SLC4A7: variants seen among roughly 807,000 people sequenced by gnomAD.
The protein encoded by SLC4A7 is solute carrier family 4 member 7, also known as sodium bicarbonate cotransporter 3.
In SLC4A7, 51 loss-of-function variants were observed where a neutral mutation model predicts 137.6. The observed-to-expected ratio is 0.37, with a 90% CI of 0.30 to 0.47. SLC4A7 has a LOEUF of 0.47. Ranked by LOEUF, SLC4A7 falls within the 20% of genes least tolerant of loss-of-function variation. SLC4A7 has a pLI of 1.00. For synonymous variants in SLC4A7, 542 were observed against 518.6 expected (o/e 1.05, Z -0.61); for missense variants, 1,247 against 1,525.4 (o/e 0.82, Z 3.04).
chr3:27,409,263 C>T, intron 13 of SLC4A7, 93 bp downstream of exon 13: 1 of 1,018,086 alleles, frequency 9.8e-7, no homozygotes, highest in East Asian at 2.5e-5. Flanking sequence ...TGGGTAGACT[C>T]TTCAAATAAA....
chr3:27,464,986 A>C (rs946292110), intron 1 of SLC4A7, among the ~76,000 whole-genome samples: 3 of 151,972 alleles, frequency 2.0e-5, no homozygotes, highest in Non-Finnish European at 4.4e-5. Flanking sequence ...CACCTTTCAA[A>C]GTATCTGCGT....
chr3:27,393,438 A>G (rs185947554), intron 20 of SLC4A7, among the ~76,000 whole-genome samples: 124 of 152,334 alleles, frequency 8.1e-4, no homozygotes, highest in African/African-American at 2.8e-3. Context: ...AGAACTCTCA[A>G]TAAGTTCACC....
intron 13 of SLC4A7, among the ~76,000 whole-genome samples, chr3:27,405,963 T>C (rs2053305679): frequency 6.6e-6 from 1 of 152,050 alleles, no homozygotes; most frequent in African/African-American, 2.4e-5. Flanking sequence ...GGGGAAAGAA[T>C]CAGAAAGTAA....
At chr3:27,465,953 C>CAAAAAA (rs869147513) in intron 1 of SLC4A7, among the ~76,000 whole-genome samples, 1 of 122,536 alleles carries the variant, frequency 8.2e-6, no homozygotes, top group African/African-American at 3.1e-5. Flanking sequence ...GAGTCCGTCT[C>CAAAAAA]AAAAAAAAAA....
At chr3:27,410,019 T>C (rs2053752832) in intron 12 of SLC4A7, among the ~76,000 whole-genome samples, 1 of 152,200 alleles carries the variant, frequency 6.6e-6, no homozygotes, top group Non-Finnish European at 1.5e-5. Context: ...ATTCAGTAAC[T>C]TTAAAAACTT....
At chr3:27,471,088 T>TA (rs2059226494) in intron 1 of SLC4A7, among the ~76,000 whole-genome samples, 1 of 152,252 alleles carries the variant, frequency 6.6e-6, no homozygotes, top group Non-Finnish European at 1.5e-5. Flanking sequence ...ACATGTCATG[T>TA]ATGTATGCAT....
chr3:27,427,320 T>C (rs1390709110), intron 7 of SLC4A7, among the ~76,000 whole-genome samples: 3 of 147,352 alleles, frequency 2.0e-5, no homozygotes, highest in African/African-American at 7.4e-5. Flanking sequence ...TTCACTTCTT[T>C]TTTTTTTTTT....
intron 1 of SLC4A7, among the ~76,000 whole-genome samples, chr3:27,459,736 G>A (rs184618575): frequency 4.3e-4 from 65 of 152,022 alleles, no homozygotes; most frequent in African/African-American, 1.6e-3. Flanking sequence ...TTACAGAAGT[G>A]CCCCCAAATA....
chr3:27,388,865 G>A (rs1429615804), intron 22 of SLC4A7, among the ~76,000 whole-genome samples: 3 of 113,438 alleles, frequency 2.6e-5, no homozygotes, highest in Non-Finnish European at 7.1e-5. Flanking sequence ...ATACTCTCGT[G>A]ACCTATAAAG....
intron 18 of SLC4A7, among the ~76,000 whole-genome samples, 165 bp from the exon 19 acceptor site, chr3:27,395,280 TC>T (rs2052026295): frequency 6.6e-6 from 1 of 152,188 alleles, no homozygotes; most frequent in Non-Finnish European, 1.5e-5. Flanking sequence ...CAGTAATTCT[TC>T]CTATCCCTAT....
chr3:27,476,446 T>C (rs1347222278), intron 1 of SLC4A7, among the ~76,000 whole-genome samples: 2 of 152,206 alleles, frequency 1.3e-5, no homozygotes, highest in African/African-American at 2.4e-5. Flanking sequence ...CCATATAACA[T>C]ATTACTTGAC....
intron 10 of SLC4A7, 27 bp from the exon 11 acceptor site, chr3:27,418,659 G>T: frequency 6.8e-7 from 1 of 1,468,594 alleles, no homozygotes; most frequent in Non-Finnish European, 9.3e-7. Context: ...TTGAGTAAAA[G>T]ATTTTAAAGT....
chr3:27,421,909 A>C, intron 8 of SLC4A7, 130 bp from the exon 9 acceptor site: 2 of 671,236 alleles, frequency 3.0e-6, no homozygotes, highest in South Asian at 2.2e-5. Context: ...TGAATGTTTA[A>C]AATGTCAAAA....
At chr3:27,459,996 C>T (rs1192959437) in intron 1 of SLC4A7, among the ~76,000 whole-genome samples, 45 of 148,022 alleles carry the variant, frequency 3.0e-4, no homozygotes, top group Non-Finnish European at 5.4e-4. Flanking sequence ...TATATACACA[C>T]ACACACACAC....
chr3:27,386,240 A>T (rs944934931), intron 22 of SLC4A7, among the ~76,000 whole-genome samples: 1 of 151,670 alleles, frequency 6.6e-6, no homozygotes, highest in Non-Finnish European at 1.5e-5. Context: ...GAAAAAAGGA[A>T]ATGGCATTCT....
chr3:27,437,526 T>A lies in SLC4A7; in HGVS notation c.290A>T (p.Asp97Val). The change falls in exon 4 of 26, where the codon GAT (aspartate) becomes GTT (valine). Residue 97 changes from aspartate to valine, a missense_variant and splice_region_variant. By Grantham distance (152) the Asp-to-Val change is radical (BLOSUM62 -3). This residue lies in a region of SLC4A7 where 176 missense variants were observed against 186.4 expected (regional missense o/e 0.94). Coordinates refer to ENST00000454389, the MANE Select transcript of SLC4A7 (RefSeq NM_001321103.2). ...AAACTGAACTCTCTGGGATGGTGTATCTTTACAAAATAAGAATTTACATAT... is the reference window on the plus strand; with the variant it reads ...AAACTGAACTCTCTGGGATGGTGTAACTTTACAAAATAAGAATTTACATAT... ...KEDGRESPSY[D>V]TPSQRVQFIL... 6.5e-7 allele frequency: 1 copy of A among 1,535,294 alleles called. No homozygotes were observed. Among genetic ancestry groups the A allele is most frequent in the South Asian group, 1.3e-5 (1 of 78,120 alleles).
chr3:27,406,844 C>T (rs942014493), intron 13 of SLC4A7, among the ~76,000 whole-genome samples: 5 of 152,018 alleles, frequency 3.3e-5, no homozygotes, highest in South Asian at 2.1e-4. Flanking sequence ...TGAGGGAAGT[C>T]CAGTGAGGTC....
At chr3:27,455,808 T>A (rs1025922587) in intron 1 of SLC4A7, among the ~76,000 whole-genome samples, 1 of 151,894 alleles carries the variant, frequency 6.6e-6, no homozygotes, top group Non-Finnish European at 1.5e-5. Context: ...AGTGAGCGCA[T>A]AGAGCGCCAC....
chr3:27,441,753 T>G (rs1051718228), intron 3 of SLC4A7, among the ~76,000 whole-genome samples: 1 of 152,234 alleles, frequency 6.6e-6, no homozygotes, highest in African/African-American at 2.4e-5. Context: ...CTCCCAGTGT[T>G]GAAATTACAG....
Sources: gnomAD v4.1 joint callset for allele counts (sites outside exome capture counted in the v4.1 genomes callset) on GRCh38, gnomAD v4.1.1 for gene constraint, gnomAD v4.1.1 regional missense constraint, MANE v1.5 for transcripts, NCBI Gene and HGNC (gene_info 2026-07-23, HGNC 2026-07-21) for gene names.